The following HOXA3 variants were observed in gnomAD, a reference collection of about 807,000 sequenced individuals.
The protein encoded by HOXA3 is homeobox protein Hox-A3.
In HOXA3, 8 loss-of-function variants were observed where a neutral mutation model predicts 30.3. The ratio of observed to expected loss-of-function variants is 0.26; its 90% CI spans 0.15 to 0.48. The LOEUF (loss-of-function observed/expected upper bound fraction) is 0.48, where lower values mean the gene tolerates loss of function less well. HOXA3 is among the 20% of genes least tolerant of loss of function. The pLI is 0.99. For synonymous variants in HOXA3, 323 were observed against 273.1 expected (o/e 1.18, Z -1.80); for missense variants, 653 against 614.4 (o/e 1.06, Z -0.66).
chr7:27,129,384 C>T (rs777227082), intron 2 of HOXA3: 14 of 1,614,018 alleles, frequency 8.7e-6, no homozygotes, highest in Admixed American at 3.3e-5. Context: ...TCTTCCACTT[C>T]ATCCTCCGGT....
In HOXA3 at chr7:27,108,548, G is replaced by C. The variant is rs769323414; in HGVS notation, c.699C>G (p.Arg233=). 38 of 1,614,040 alleles carry C rather than the reference G, an allele frequency of 2.4e-5. No homozygotes were observed. The highest frequency in any genetic ancestry group is 3.1e-5 in the Non-Finnish European group (37 of 1,180,016). The part of the protein sequence containing the change: ...EMANLLNLTE[R]QIKIWFQNRR... ...GATTCTGGAACCAGATCTTGATCTG[G>C]CGCTCAGTGAGGTTCAGCAGATTGG... The change falls in exon 6 of 6, where the codon CGC becomes CGG. Residue 233 remains arginine, a synonymous_variant. Transcript: ENST00000612286. The surrounding 1 kb of genome is among the most constrained non-coding windows in gnomAD (Gnocchi z 5.0).
At position 27,112,156 on chromosome 7, in the gene HOXA3, AG is replaced by A. The variant is rs1365931621; in HGVS notation, c.-120-1397del. Among the ~76,000 whole-genome samples the A allele has an allele frequency of 4.6e-5, 7 of 152,336 alleles. No homozygotes were observed. The East Asian group carries it at 1.4e-3, about 29-fold the overall frequency. On this transcript the variant is annotated intron_variant, in intron 4 of 5. Transcript: ENST00000612286. The stretch of plus-strand genomic sequence containing the variant: ...CAACCTCTAGTTCTCAGCACAGAAA[AG>A]TTCCATGTGAGTTTCAAATATTCAC...
intron 1 of HOXA3, chr7:27,140,542 A>G (rs1782528710): frequency 6.6e-6 from 1 of 152,204 alleles, no homozygotes; most frequent in African/African-American, 2.4e-5. Context: ...AGGATGGGGT[A>G]AGTACCTTCA....
At chr7:27,152,213 T>A (rs773275032) in intron 1 of HOXA3, 75 bp downstream of exon 1, 7 of 910,966 alleles carry the variant, frequency 7.7e-6, no homozygotes, top group Non-Finnish European at 1.0e-5. Flanking sequence ...CCTCCCTGGG[T>A]GCCCTCTCCC....
Position 27,107,188 on chromosome 7 carries a change from T to C in HOXA3, c.*727A>G, listed in dbSNP as rs1978133. ...AGCTGGATCTTCTCTGGTTTTATTG[T>C]ATCGTTACCGTTTAAAGGAATTATA... On this transcript the variant is annotated 3_prime_UTR_variant, in exon 6 of 6. Transcript: ENST00000612286. The C allele has an allele frequency of 0.98, 149,231 of 152,256 alleles. 73,146 individuals carry two copies. Among genetic ancestry groups the C allele is most frequent in the East Asian group, 1 (5,180 of 5,186 alleles). 9.4% of individuals were successfully genotyped at this position (152,256 alleles called of 1,614,324 possible). A position where few individuals can be genotyped will look rare whatever the true frequency, so the allele number is the denominator to read the frequency against.
In HOXA3 at chr7:27,108,157, G is replaced by C. The variant is rs763980001; in HGVS notation, c.1090C>G (p.Pro364Ala). Residue 364 changes from proline (P) to alanine (A), a missense_variant, in exon 6 of 6, where the codon CCC becomes GCC. This residue lies in a region of HOXA3 where 330 missense variants were observed against 274.4 expected (regional missense o/e 1.20). Coordinates refer to ENST00000612286, the MANE Select transcript of HOXA3 (RefSeq NM_153631.3). The surrounding 1 kb of genome is among the most constrained non-coding windows in gnomAD (Gnocchi z 5.0). ...ACATAGCTGCCCCCCACGAAGACGG[G>C]GCTTCCCTGTATGTGTGGGGTCCCA... ...SYGTPHIQGS[P>A]VFVGGSYVEP... 1.3e-5 allele frequency: 21 copies of C among 1,579,904 alleles called. No individual in the cohort carries two copies. The highest frequency in any genetic ancestry group is 1.8e-5 in the Non-Finnish European group (21 of 1,159,546).
intron 4 of HOXA3, among the ~76,000 whole-genome samples, chr7:27,112,755 C>T (rs1035864101): frequency 2.0e-5 from 3 of 151,352 alleles, no homozygotes; most frequent in Non-Finnish European, 2.9e-5. Context: ...AAATTAGACA[C>T]TCGAACAGCA....
intron 2 of HOXA3, 50 bp downstream of exon 2, chr7:27,140,033 A>AGAGAGAGAGAGAGAGAGAG (rs1281735462): frequency 4.0e-4 from 47 of 118,850 alleles, no homozygotes; most frequent in East Asian, 1.0e-3. Flanking sequence ...GAGAGAGAGA[A>AGAGAGAGAGAGAGAGAGAG]AGTTTCCAAA....
intron 2 of HOXA3, among the ~76,000 whole-genome samples, chr7:27,136,056 G>C (rs1274753565): frequency 1.3e-5 from 2 of 152,210 alleles, no homozygotes; most frequent in East Asian, 3.8e-4. Context: ...CTTTTGTGCT[G>C]ATAGTCAAGA....
At position 27,110,530 on chromosome 7, in the gene HOXA3, G is replaced by T. The variant is rs139516432; in HGVS notation, c.111C>A (p.Ala37=). Residue 37 remains alanine (A), a synonymous_variant, in exon 5 of 6, where the codon GCC becomes GCA. Coordinates refer to ENST00000612286, the MANE Select transcript of HOXA3 (RefSeq NM_153631.3). ...GGTACTCGCCGTCGGCGCCCAAAGC[G>T]GCGGACGCCGGGTACGGCTGCTGAT... ...NANQQPYPAS[A]ALGADGEYHR... The T allele has an allele frequency of 3.3e-4, 535 of 1,607,214 alleles. No homozygotes were observed. The highest frequency in any genetic ancestry group is 2.6e-3 in the Middle Eastern group (16 of 6,068).
At position 27,119,326 on chromosome 7, in the gene HOXA3, A is replaced by T. The variant is rs75119227; in HGVS notation, c.-121+3233T>A. 2.5e-3 allele frequency among the ~76,000 whole-genome samples: 380 copies of T among 152,126 alleles called. 1 individual carries two copies. Among genetic ancestry groups the T allele is most frequent in the African/African-American group, 8.8e-3 (366 of 41,490 alleles). On this transcript the variant is annotated intron_variant, in intron 4 of 5. Transcript: ENST00000612286. The stretch of plus-strand genomic sequence containing the variant: ...CCCACCCCCACACAAGTTCCTATAG[A>T]GATATCAACTCAAAGATGAGAAAGA...
At position 27,129,297 on chromosome 7, in the gene HOXA3, T is replaced by A. The variant is rs751514929; in HGVS notation, c.-389-2227A>T. 11 of 1,613,978 alleles carry A rather than the reference T, an allele frequency of 6.8e-6. No homozygotes were observed. The East Asian group carries it at 2.5e-4, about 36-fold the overall frequency. On this transcript the variant is annotated intron_variant, in intron 2 of 5. Coordinates refer to ENST00000612286, the MANE Select transcript of HOXA3 (RefSeq NM_153631.3). ...GATGGAGGTGTGGGCTCTGAGTTTG[T>A]GCTTTCCCTGGTGGGCCGGCAGAGG...
chr7:27,136,580 G>T (rs1246138442), intron 2 of HOXA3, among the ~76,000 whole-genome samples: 1 of 152,200 alleles, frequency 6.6e-6, no homozygotes, highest in Admixed American at 6.5e-5. Context: ...AGCGTGCTCT[G>T]CTGGCGATTC....
chr7:27,111,741 A>G (rs933611033), intron 4 of HOXA3, among the ~76,000 whole-genome samples: 4 of 152,050 alleles, frequency 2.6e-5, no homozygotes, highest in African/African-American at 9.7e-5. Context: ...TTAAAACATG[A>G]TGGATTAGAG....
chr7:27,136,228 A>G (rs1375682233), intron 2 of HOXA3, among the ~76,000 whole-genome samples: 2 of 152,234 alleles, frequency 1.3e-5, no homozygotes, highest in Non-Finnish European at 2.9e-5. Context: ...GGGGCCCCCC[A>G]GCATCTCAGG....
intron 1 of HOXA3, chr7:27,143,479 G>A: frequency 1.2e-6 from 2 of 1,613,896 alleles, no homozygotes; most frequent in African/African-American, 1.3e-5. Context: ...AGCCGTACCT[G>A]CCGGAGTGCA....
chr7:27,113,685 C>A lies in HOXA3; in HGVS notation c.-120-2925G>T, dbSNP rs1784506701. 1 of 152,304 alleles carries A rather than the reference C, an allele frequency of 6.6e-6. No homozygotes were observed. Among genetic ancestry groups the A allele is most frequent in the Admixed American group, 6.5e-5 (1 of 15,294 alleles). The allele number at this position is 152,304 out of a possible 1,614,324, so 9.4% of individuals were successfully genotyped here. Reference sequence around the variant, plus strand: ...TCCGACACGGGCTCTGGCCCCCGGCCTGGCTTGGCGGCCCGGCCGGGTCCC... The same window carrying A: ...TCCGACACGGGCTCTGGCCCCCGGCATGGCTTGGCGGCCCGGCCGGGTCCC... On this transcript the variant is annotated intron_variant, in intron 4 of 5. Coordinates refer to ENST00000612286, the MANE Select transcript of HOXA3 (RefSeq NM_153631.3). This position sits in a 1 kb window ranked among gnomAD's most constrained non-coding sequence, Gnocchi z 4.8.
At chr7:27,124,942 G>A (rs1327213228) in intron 3 of HOXA3, among the ~76,000 whole-genome samples, 2 of 152,166 alleles carry the variant, frequency 1.3e-5, no homozygotes, top group East Asian at 3.9e-4. Context: ...GAGATGCCCT[G>A]ACATCTGTCC....
chr7:27,131,178 C>T (rs1440174562), intron 2 of HOXA3, among the ~76,000 whole-genome samples: 1 of 152,202 alleles, frequency 6.6e-6, no homozygotes, highest in East Asian at 1.9e-4. Flanking sequence ...AGGCCTCGGG[C>T]TGTCTGGCGG....
Sources: allele counts gnomAD v4.1 joint callset (sites outside exome capture counted in the v4.1 genomes callset), GRCh38; gene constraint gnomAD v4.1.1; regional missense constraint gnomAD v4.1.1; non-coding constraint Gnocchi (gnomAD v3.1); transcripts MANE v1.5; gene names NCBI Gene and HGNC (gene_info 2026-07-23, HGNC 2026-07-21).